ARHGEF10L: variants seen among roughly 807,000 people sequenced by gnomAD.
The protein encoded by ARHGEF10L is rho guanine nucleotide exchange factor 10-like protein.
Under a neutral mutation model 141.2 loss-of-function variants are expected in ARHGEF10L, and 69 were observed. The observed-to-expected ratio is 0.49, with a 90% CI of 0.40 to 0.60. The LOEUF is 0.60. ARHGEF10L is among the 20% of genes least tolerant of loss of function. ARHGEF10L has a pLI of 0.00. For missense variants in ARHGEF10L, 1,482 were observed against 1,734.3 expected (o/e 0.85, Z 2.58); for synonymous variants, 711 against 718.5 (o/e 0.99, Z 0.17).
In ARHGEF10L at chr1:17,681,463, A is replaced by T. The variant is rs552587317; in HGVS notation, c.3010-6110A>T. Among the ~76,000 whole-genome samples the T allele has an allele frequency of 2.0e-5, 3 of 152,348 alleles. No individual in the cohort carries two copies. The South Asian group carries it at 6.2e-4, about 32-fold the overall frequency. ...CAGCCTTTGGTTTTCATGTCTCTTA[A>T]GTCTCCTTTTAATCTAGAATAATCC... is the stretch of plus-strand genomic sequence containing the variant. On this transcript the variant is annotated intron_variant, in intron 26 of 28. Coordinates refer to ENST00000361221, the MANE Select transcript of ARHGEF10L (RefSeq NM_018125.4).
intron 15 of ARHGEF10L, among the ~76,000 whole-genome samples, chr1:17,630,766 C>T (rs115173260): frequency 0.023 from 3,579 of 152,336 alleles, 150 homozygotes; most frequent in African/African-American, 0.082. Flanking sequence ...AAGAGCCATC[C>T]TCAGTGCCTG....
At chr1:17,542,104 A>G (rs1557684607) in intron 1 of ARHGEF10L, among the ~76,000 whole-genome samples, 2 of 151,864 alleles carry the variant, frequency 1.3e-5, no homozygotes, top group South Asian at 4.2e-4. Context: ...GTGCCACTGC[A>G]CTCCAGCCTG....
chr1:17,640,707 T>C (rs1447649612), intron 21 of ARHGEF10L, among the ~76,000 whole-genome samples: 1 of 152,220 alleles, frequency 6.6e-6, no homozygotes, highest in Non-Finnish European at 1.5e-5. Context: ...CAGTGGCGTG[T>C]GCACTTTAAA....
chr1:17,567,900 T>C (rs2077829023), intron 1 of ARHGEF10L, among the ~76,000 whole-genome samples: 1 of 152,214 alleles, frequency 6.6e-6, no homozygotes, highest in African/African-American at 2.4e-5. Flanking sequence ...CTGTCTCATT[T>C]TTGGATCCTC....
rs2060228367 is a variant in ARHGEF10L, at chr1:17,623,691, A to G, written c.1200+516A>G. On this transcript the variant is annotated intron_variant, in intron 12 of 28. Coordinates refer to ENST00000361221, the MANE Select transcript of ARHGEF10L (RefSeq NM_018125.4). The surrounding 1 kb of genome is among the most constrained non-coding windows in gnomAD (Gnocchi z 4.7). ...GCCCAGGCTTGCCATCTGTGGAATG[A>G]GGGGTGCACTGGATTTCTGGCTTTT... Among the ~76,000 whole-genome samples the G allele has an allele frequency of 6.6e-6, 1 of 152,158 alleles. No individual in the cohort carries two copies. The highest frequency in any genetic ancestry group is 1.5e-5 in the Non-Finnish European group (1 of 68,032).
chr1:17,552,320 C>A (rs1489669170), intron 1 of ARHGEF10L, among the ~76,000 whole-genome samples: 1 of 152,122 alleles, frequency 6.6e-6, no homozygotes, highest in Non-Finnish European at 1.5e-5. Context: ...TGAAATGTGA[C>A]CAATAGGACT....
intron 6 of ARHGEF10L, chr1:17,604,650 G>A (rs2081006468): frequency 6.6e-6 from 1 of 152,282 alleles, no homozygotes. Flanking sequence ...CAGGAACGGG[G>A]ACACCTGGGC....
Position 17,697,080 on chromosome 1 carries a change from C to T in ARHGEF10L, c.3540C>T (p.Thr1180=), listed in dbSNP as rs138492452. ...GILLQYRLRS[T]AHLPGPLLSM... ...TCTTGCAGTACCGCCTGCGCTCCAC[C>T]GCACACCTCCCGGGCCCGCTGCTCT... is the stretch of plus-strand genomic sequence containing the variant. The change falls in exon 29 of 29, where the codon ACC becomes ACT. Residue 1180 remains threonine, a synonymous_variant. Coordinates refer to ENST00000361221, the MANE Select transcript of ARHGEF10L (RefSeq NM_018125.4). The surrounding 1 kb of genome is among the most constrained non-coding windows in gnomAD (Gnocchi z 4.8). 6,869 of 1,606,590 alleles carry T rather than the reference C, an allele frequency of 4.3e-3. 28 individuals are homozygous for T. Among genetic ancestry groups the T allele is most frequent in the Non-Finnish European group, 5.2e-3 (6,089 of 1,175,964 alleles).
intron 26 of ARHGEF10L, among the ~76,000 whole-genome samples, chr1:17,676,454 G>C (rs1174512402): frequency 6.6e-6 from 1 of 151,542 alleles, no homozygotes; most frequent in Non-Finnish European, 1.5e-5. Context: ...GTGCAGGTGT[G>C]GGGTGGTGGA....
the ARHGEF10L span, among the ~76,000 whole-genome samples, chr1:17,533,642 G>T: frequency 5.3e-5 from 8 of 152,278 alleles, no homozygotes; most frequent in African/African-American, 1.9e-4. Context: ...CCAGATGCAG[G>T]TCTTGGGTTA....
chr1:17,638,331 C>A (rs553057562), intron 19 of ARHGEF10L, among the ~76,000 whole-genome samples: 1 of 152,306 alleles, frequency 6.6e-6, no homozygotes, highest in East Asian at 1.9e-4. Flanking sequence ...CTGGCTGCGA[C>A]GGCATGTCCC....
chr1:17,519,036 C>T, the ARHGEF10L span, among the ~76,000 whole-genome samples: 2 of 146,254 alleles, frequency 1.4e-5, no homozygotes, highest in African/African-American at 5.1e-5. Flanking sequence ...TTAGCTGGGT[C>T]GGGTGGCGCA....
intron 1 of ARHGEF10L, among the ~76,000 whole-genome samples, chr1:17,567,626 C>T (rs2100296897): frequency 6.6e-6 from 1 of 152,258 alleles, no homozygotes; most frequent in South Asian, 2.1e-4. Context: ...TCTTGGCCTC[C>T]CAAAGTGCTG....
chr1:17,542,218 G>T (rs1481831098), intron 1 of ARHGEF10L, among the ~76,000 whole-genome samples: 3 of 152,138 alleles, frequency 2.0e-5, no homozygotes, highest in Non-Finnish European at 2.9e-5. Flanking sequence ...GGAGCCTCAG[G>T]TGGGAGGATC....
chr1:17,534,011 G>A, the ARHGEF10L span, among the ~76,000 whole-genome samples: 14 of 151,920 alleles, frequency 9.2e-5, no homozygotes, highest in Non-Finnish European at 1.2e-4. Flanking sequence ...TCTCAGGCTG[G>A]AGTGCAGTGG....
intron 26 of ARHGEF10L, among the ~76,000 whole-genome samples, chr1:17,679,265 G>A (rs181572106): frequency 1.1e-4 from 17 of 152,322 alleles, no homozygotes; most frequent in East Asian, 5.8e-4. Flanking sequence ...TGAGAAATGC[G>A]TCAGGCAGGG....
In ARHGEF10L at chr1:17,615,971, C is replaced by T; in HGVS notation, c.727-123C>T. On this transcript the variant is annotated intron_variant, in intron 8 of 28. Transcript: ENST00000361221. This position sits in a 1 kb window ranked among gnomAD's most constrained non-coding sequence, Gnocchi z 4.7. Reference sequence around the variant, plus strand: ...TCGTCCTTGGCCTTTGCTCACGGACCTGGGAGGGAAGGGTCTGGGTGGTTC... The same window carrying T: ...TCGTCCTTGGCCTTTGCTCACGGACTTGGGAGGGAAGGGTCTGGGTGGTTC... 1.3e-6 allele frequency: 1 copy of T among 762,292 alleles called. No homozygotes were observed. The highest frequency in any genetic ancestry group is 2.3e-6 in the Non-Finnish European group (1 of 440,444). The allele number at this position is 762,292 out of a possible 1,614,324, so 47.2% of individuals were successfully genotyped here.
At chr1:17,601,049 C>CAAAAAAAAAAAAA in intron 4 of ARHGEF10L, among the ~76,000 whole-genome samples, 1 of 51,174 alleles carries the variant, frequency 2.0e-5, no homozygotes, top group East Asian at 5.9e-4. Context: ...GGCTCTGTCT[C>CAAAAAAAAAAAAA]AAAAAAAAAA....
chr1:17,605,958 C>T (rs58763732), intron 6 of ARHGEF10L, among the ~76,000 whole-genome samples: 2,931 of 152,244 alleles, frequency 0.019, 84 homozygotes, highest in African/African-American at 0.066. Flanking sequence ...TTCTGGGACC[C>T]GTCTCCCACT....
Sources: allele counts gnomAD v4.1 joint callset (sites outside exome capture counted in the v4.1 genomes callset), GRCh38; gene constraint gnomAD v4.1.1; non-coding constraint Gnocchi (gnomAD v3.1); transcripts MANE v1.5; gene names NCBI Gene and HGNC (gene_info 2026-07-23, HGNC 2026-07-21).